The following VEPH1 variants were observed in gnomAD, a reference collection of about 807,000 sequenced individuals.
VEPH1 encodes ventricular zone expressed PH domain containing 1.
Under a neutral mutation model 85.2 loss-of-function variants are expected in VEPH1, and 80 were observed. The observed-to-expected ratio is 0.94, with a 90% CI of 0.78 to 1.13. The LOEUF (loss-of-function observed/expected upper bound fraction) is 1.13. VEPH1 is among the 50% of genes most tolerant of loss of function. VEPH1 has a pLI of 0.00. For missense variants in VEPH1, 955 were observed against 980.5 expected, an observed-to-expected ratio of 0.97 and a Z score of 0.35; for synonymous variants, 297 against 348.0, an observed-to-expected ratio of 0.85 and a Z score of 1.63.
chr3:157,422,644 T>A (rs370125943), intron 5 of VEPH1, among the ~76,000 whole-genome samples: 1 of 152,290 alleles, frequency 6.6e-6, no homozygotes, highest in East Asian at 1.9e-4. Context: ...TCTACTGCAG[T>A]TTTGCTCATC....
At chr3:157,314,118 G>A (rs989226466) in intron 10 of VEPH1, among the ~76,000 whole-genome samples, 1 of 151,772 alleles carries the variant, frequency 6.6e-6, no homozygotes. Context: ...GGATCACGAG[G>A]TCAGGAGATC....
At chr3:157,461,056 A>G (rs1441162874) in intron 3 of VEPH1, among the ~76,000 whole-genome samples, 1 of 152,162 alleles carries the variant, frequency 6.6e-6, no homozygotes, top group Non-Finnish European at 1.5e-5. Flanking sequence ...TTAAAAATTA[A>G]AGTTTCAGCT....
intron 12 of VEPH1, among the ~76,000 whole-genome samples, chr3:157,279,207 A>C (rs1367172750): frequency 6.6e-6 from 1 of 152,166 alleles, no homozygotes; most frequent in Non-Finnish European, 1.5e-5. Flanking sequence ...CTAGGTAAAG[A>C]AAGGTGGGAT....
At chr3:157,299,763 T>A (rs1414956359) in intron 11 of VEPH1, among the ~76,000 whole-genome samples, 1 of 152,090 alleles carries the variant, frequency 6.6e-6, no homozygotes, top group African/African-American at 2.4e-5. Context: ...ACAATTTTGT[T>A]GTTGTTGATG....
intron 5 of VEPH1, among the ~76,000 whole-genome samples, chr3:157,420,792 A>G (rs1157458290): frequency 6.6e-6 from 1 of 152,204 alleles, no homozygotes; most frequent in African/African-American, 2.4e-5. Flanking sequence ...CTGAACATTC[A>G]TCACCGGAAG....
intron 11 of VEPH1, among the ~76,000 whole-genome samples, chr3:157,306,986 C>T (rs1048318769): frequency 6.6e-6 from 1 of 151,978 alleles, no homozygotes; most frequent in Non-Finnish European, 1.5e-5. Context: ...AGAATAATGG[C>T]CTCCTGCTCC....
In VEPH1 at chr3:157,381,269, G is replaced by A; in HGVS notation, c.1014C>T (p.Phe338=). 1 of 1,565,928 alleles carries A rather than the reference G, an allele frequency of 6.4e-7. No individual in the cohort carries two copies. Among genetic ancestry groups the A allele is most frequent in the Non-Finnish European group, 8.8e-7 (1 of 1,136,452 alleles). The change falls in exon 7 of 14, where the codon TTC becomes TTT. Residue 338 remains phenylalanine (F), a synonymous_variant. Coordinates refer to ENST00000362010, the MANE Select transcript of VEPH1 (RefSeq NM_001167912.2). ...TGCTCTGAGGGCCCAAGATTGAGGA[G>A]AAGGTGTCGGTGATGCTTTTAATCT... ...LLEIKSITDT[F]SSILGPQSRD...
Position 157,323,018 on chromosome 3 carries a change from C to A in VEPH1, c.1736-5817G>T, listed in dbSNP as rs116644072. ...AGAACAAACTCATTACTTTAAAATA[C>A]CATTGCTTTTGACTGAAAAAAATGG... On this transcript the variant is annotated intron_variant, in intron 9 of 13. Transcript: ENST00000362010. Among the ~76,000 whole-genome samples the A allele has an allele frequency of 6.1e-3, 931 of 152,224 alleles. 15 individuals are homozygous for A. The highest frequency in any genetic ancestry group is 0.021 in the African/African-American group (880 of 41,530).
chr3:157,283,715 C>G (rs1559923139), intron 12 of VEPH1, among the ~76,000 whole-genome samples: 1 of 152,224 alleles, frequency 6.6e-6, no homozygotes, highest in Non-Finnish European at 1.5e-5. Context: ...TTCCTAATGT[C>G]TAACTGAAAT....
chr3:157,459,882 G>A (rs1230830967), intron 4 of VEPH1: 1 of 1,537,150 alleles, frequency 6.5e-7, no homozygotes, highest in Non-Finnish European at 8.7e-7. Flanking sequence ...TCCACAGTTG[G>A]TAGTTGAACA....
chr3:157,390,510 C>T (rs1729756837), intron 6 of VEPH1, among the ~76,000 whole-genome samples: 1 of 152,078 alleles, frequency 6.6e-6, no homozygotes, highest in South Asian at 2.1e-4. Flanking sequence ...TTTTAAAAAA[C>T]ACCTCATTTT....
intron 6 of VEPH1, among the ~76,000 whole-genome samples, chr3:157,386,793 T>A (rs1230982423): frequency 6.6e-6 from 1 of 152,236 alleles, no homozygotes; most frequent in Non-Finnish European, 1.5e-5. Flanking sequence ...GGTGCCACTG[T>A]CTTGTCTTGG....
intron 13 of VEPH1, among the ~76,000 whole-genome samples, chr3:157,263,277 A>G (rs1004962973): frequency 2.0e-5 from 3 of 152,126 alleles, no homozygotes; most frequent in Non-Finnish European, 2.9e-5. Flanking sequence ...TTGAGCCGCA[A>G]GTTTTGTCAG....
intron 4 of VEPH1, among the ~76,000 whole-genome samples, chr3:157,457,046 C>A (rs574549451): frequency 6.6e-6 from 1 of 152,206 alleles, no homozygotes; most frequent in East Asian, 1.9e-4. Flanking sequence ...TCTCTGACTT[C>A]TTTGAGGAGT....
intron 9 of VEPH1, among the ~76,000 whole-genome samples, chr3:157,322,480 A>T (rs1331347092): frequency 6.6e-6 from 1 of 152,210 alleles, no homozygotes; most frequent in Non-Finnish European, 1.5e-5. Context: ...TATACAAAGA[A>T]GTGGCATTGT....
chr3:157,404,210 C>G (rs1422551001), intron 6 of VEPH1, among the ~76,000 whole-genome samples: 4 of 152,062 alleles, frequency 2.6e-5, no homozygotes, highest in Non-Finnish European at 4.4e-5. Flanking sequence ...ACCTGTGAGC[C>G]ACCTGCTATG....
At chr3:157,497,397 G>A (rs1264684872) in intron 1 of VEPH1, among the ~76,000 whole-genome samples, 1 of 152,116 alleles carries the variant, frequency 6.6e-6, no homozygotes, top group Non-Finnish European at 1.5e-5. Context: ...GCACAGTGAG[G>A]TACTGCAAAG....
intron 2 of VEPH1, among the ~76,000 whole-genome samples, chr3:157,482,681 A>T (rs1354785258): frequency 6.6e-6 from 1 of 152,148 alleles, no homozygotes; most frequent in Non-Finnish European, 1.5e-5. Context: ...TTGTAGCTGT[A>T]GTTGTCCTTG....
chr3:157,502,084 C>G (rs889841257), intron 1 of VEPH1, among the ~76,000 whole-genome samples: 2 of 152,190 alleles, frequency 1.3e-5, no homozygotes, highest in African/African-American at 4.8e-5. Flanking sequence ...CTGGATGTCT[C>G]TGGGCTTCCT....
Sources: gnomAD v4.1 joint callset for allele counts (sites outside exome capture counted in the v4.1 genomes callset) on GRCh38, gnomAD v4.1.1 for gene constraint, MANE v1.5 for transcripts, NCBI Gene and HGNC (gene_info 2026-07-23, HGNC 2026-07-21) for gene names.